The following MYOM1 variants were observed in gnomAD, a reference collection of about 807,000 sequenced individuals.
MYOM1 encodes myomesin-1.
MYOM1 carries 164 observed loss-of-function variants against 205.3 expected under a neutral mutation model. The observed-to-expected ratio is 0.80, with a 90% CI of 0.70 to 0.91. The LOEUF (loss-of-function observed/expected upper bound fraction) is 0.91, where lower values mean the gene tolerates loss of function less well. Among genes scored for constraint, MYOM1 ranks in the 40% least tolerant of loss-of-function variants. The pLI is 0.00. For missense variants in MYOM1, 2,011 were observed against 2,127.3 expected, an observed-to-expected ratio of 0.95 and a Z score of 1.08; for synonymous variants, 772 against 789.4, an observed-to-expected ratio of 0.98 and a Z score of 0.37.
At position 3,092,561 on chromosome 18, in the gene MYOM1, C is replaced by CTT. The variant is rs11457143; in HGVS notation, c.3864+1607_3864+1608dup. Reference sequence around the variant, plus strand: ...TTATTTTATCATATTGTTTAGACAACTTTTTTTTTTCCCAGAATGTAAAGA... The same window carrying CTT: ...TTATTTTATCATATTGTTTAGACAACTTTTTTTTTTTTCCCAGAATGTAAAGA... On this transcript the variant is annotated intron_variant, in intron 26 of 37. Transcript: ENST00000356443. Among the ~76,000 whole-genome samples the CTT allele has an allele frequency of 5.1e-3, 742 of 146,634 alleles. 5 individuals carry two copies. Among genetic ancestry groups the CTT allele is most frequent in the African/African-American group, 0.017 (711 of 40,768 alleles).
At chr18:3,227,176 T>G in the MYOM1 span, among the ~76,000 whole-genome samples, 1 of 150,820 alleles carries the variant, frequency 6.6e-6, no homozygotes, top group African/African-American at 2.5e-5. Context: ...TTTCTCTTTC[T>G]TTTGTTTTTT....
intron 19 of MYOM1, among the ~76,000 whole-genome samples, chr18:3,125,237 T>C (rs897481668): frequency 6.6e-6 from 1 of 152,172 alleles, no homozygotes; most frequent in African/African-American, 2.4e-5. Flanking sequence ...ATTTAGGTGA[T>C]CACCCAGAGA....
chr18:3,222,728 C>A (rs933760999), upstream of MYOM1, among the ~76,000 whole-genome samples: 1 of 140,162 alleles, frequency 7.1e-6, no homozygotes, highest in Non-Finnish European at 1.5e-5. Context: ...TACACACATA[C>A]ACACACAAAC....
At position 3,119,908 on chromosome 18, in the gene MYOM1, C is replaced by T. The variant is rs755678558; in HGVS notation, c.3079G>A (p.Glu1027Lys). 5 of 1,612,656 alleles carry T rather than the reference C, an allele frequency of 3.1e-6. No homozygotes were observed. Among genetic ancestry groups the T allele is most frequent in the Non-Finnish European group, 4.2e-6 (5 of 1,179,422 alleles). The change falls in exon 20 of 38, where the codon GAA becomes AAA. Residue 1027 changes from glutamate (E) to lysine (K), a missense_variant. Physicochemically the swap from Glu to Lys is moderately conservative, Grantham distance 56. Transcript: ENST00000356443. ...AGLGAPSAVS[E>K]CFKCEEWTIA... ...GTCCACTCTTCACATTTGAAGCATT[C>T]GCTTACTGCGGAGGGCGCGCCCAGC...
At chr18:3,087,511 A>G in intron 29 of MYOM1, among the ~76,000 whole-genome samples, 1 of 139,390 alleles carries the variant, frequency 7.2e-6, no homozygotes, top group African/African-American at 2.7e-5. Context: ...TTTTTTTGAG[A>G]CAGAGTCTCA....
chr18:3,111,899 C>T (rs1050370474), intron 22 of MYOM1, among the ~76,000 whole-genome samples: 3 of 152,180 alleles, frequency 2.0e-5, no homozygotes, highest in Admixed American at 1.3e-4. Flanking sequence ...ATCCTACTTT[C>T]GTTTAAGGAT....
the MYOM1 span, among the ~76,000 whole-genome samples, chr18:3,230,231 G>T: frequency 1.3e-5 from 2 of 152,062 alleles, no homozygotes; most frequent in East Asian, 3.8e-4. Context: ...TTATATATTT[G>T]TTACAAAATC....
chr18:3,164,374 A>G lies in MYOM1; in HGVS notation c.1405T>C (p.Phe469Leu). 1 of 1,612,092 alleles carries G rather than the reference A, an allele frequency of 6.2e-7. No homozygotes were observed. The highest frequency in any genetic ancestry group is 8.5e-7 in the Non-Finnish European group (1 of 1,178,998). ...TCATCTTCTTTGTTGAGATGGGAAA[A>G]TGTCAGCGTTGCCCGCTCTCCACTC... ...LWSGERATLT[F>L]SHLNKEDEGL... Residue 469 changes from phenylalanine (F) to leucine (L), a missense_variant, in exon 10 of 38, where the codon TTT becomes CTT. By Grantham distance (22) the Phe-to-Leu change is conservative. Coordinates refer to ENST00000356443, the MANE Select transcript of MYOM1 (RefSeq NM_003803.4).
At chr18:3,085,004 C>T (rs1478829152) in intron 31 of MYOM1, 41 bp downstream of exon 31, 10 of 1,440,964 alleles carry the variant, frequency 6.9e-6, no homozygotes, top group African/African-American at 1.4e-5. Context: ...AAGCTGTATG[C>T]AGAAACACAC....
At position 3,122,644 on chromosome 18, in the gene MYOM1, C is replaced by T. The variant is rs1327238391; in HGVS notation, c.2992-2649G>A. Among the ~76,000 whole-genome samples, 4 of 152,080 alleles carry T rather than the reference C, an allele frequency of 2.6e-5. No homozygotes were observed. In the East Asian group the frequency reaches 5.8e-4, roughly 22 times the overall value. ...TGAACATAGAAGCAAAAATCCTAAA[C>T]GATAATTGGCAAACAAAATCCAGGT... is the stretch of plus-strand genomic sequence containing the variant. On this transcript the variant is annotated intron_variant, in intron 19 of 37. Coordinates refer to ENST00000356443, the MANE Select transcript of MYOM1 (RefSeq NM_003803.4).
At chr18:3,234,954 G>A in the MYOM1 span, among the ~76,000 whole-genome samples, 5 of 150,126 alleles carry the variant, frequency 3.3e-5, no homozygotes, top group Non-Finnish European at 7.4e-5. Context: ...GGGGGTTCAC[G>A]CTGGATTGCC....
At chr18:3,072,884 C>G (rs1323267116) in intron 36 of MYOM1, among the ~76,000 whole-genome samples, 1 of 151,826 alleles carries the variant, frequency 6.6e-6, no homozygotes, top group Admixed American at 6.6e-5. Context: ...GTAGCTTGGC[C>G]TCTTTTATGG....
chr18:3,086,184 A>T, intron 29 of MYOM1, 33 bp from the exon 30 acceptor site: 2 of 1,380,044 alleles, frequency 1.4e-6, no homozygotes, highest in Non-Finnish European at 2.0e-6. Context: ...TTTTCTTAAA[A>T]TAAGAAAGTG....
At chr18:3,071,003 C>T (rs1039217808) in intron 37 of MYOM1, among the ~76,000 whole-genome samples, 4 of 152,182 alleles carry the variant, frequency 2.6e-5, no homozygotes, top group Admixed American at 6.5e-5. Context: ...AAGTGATCTG[C>T]GTGCCTTGGC....
At chr18:3,244,971 A>G in the MYOM1 span, among the ~76,000 whole-genome samples, 1 of 151,394 alleles carries the variant, frequency 6.6e-6, no homozygotes, top group Non-Finnish European at 1.5e-5. Context: ...AAAAAAAAAG[A>G]GGAAGAGAGT....
Position 3,119,906 on chromosome 18 carries a change from T to A in MYOM1, c.3081A>T (p.Glu1027Asp). 1 of 1,612,982 alleles carries A rather than the reference T, an allele frequency of 6.2e-7. No individual in the cohort carries two copies. Among genetic ancestry groups the A allele is most frequent in the Non-Finnish European group, 8.5e-7 (1 of 1,179,508 alleles). The change falls in exon 20 of 38, where the codon GAA becomes GAT. Residue 1027 changes from glutamate (E) to aspartate (D), a missense_variant. By Grantham distance (45) the Glu-to-Asp change is conservative. Transcript: ENST00000356443. ...TGGTCCACTCTTCACATTTGAAGCA[T>A]TCGCTTACTGCGGAGGGCGCGCCCA... ...AGLGAPSAVS[E>D]CFKCEEWTIA...
At chr18:3,196,507 A>G (rs935239608) in intron 2 of MYOM1, among the ~76,000 whole-genome samples, 1 of 152,198 alleles carries the variant, frequency 6.6e-6, no homozygotes, top group Non-Finnish European at 1.5e-5. Flanking sequence ...TTAAAACTAC[A>G]TGTAGTGTTT....
At chr18:3,125,601 A>G (rs1265209461) in intron 19 of MYOM1, among the ~76,000 whole-genome samples, 1 of 150,756 alleles carries the variant, frequency 6.6e-6, no homozygotes, top group Non-Finnish European at 1.5e-5. Context: ...ACGCATTCTC[A>G]GCATGTGTGT....
At position 3,134,405 on chromosome 18, in the gene MYOM1, GT is replaced by G. The variant is rs34366449; in HGVS notation, c.2384+244del. ...CTTATTTAAAGTATAATGTTTTCTT[GT>G]TTTTTTTTTCAGTTTGTAAAGATAG... is the stretch of plus-strand genomic sequence containing the variant. On this transcript the variant is annotated intron_variant, in intron 16 of 37. Transcript: ENST00000356443. Among the ~76,000 whole-genome samples, 31,286 of 147,610 alleles carry G rather than the reference GT, an allele frequency of 0.21. 3,589 individuals are homozygous for G. Among genetic ancestry groups the G allele is most frequent in the East Asian group, 0.32 (1,638 of 5,060 alleles).
Sources: gnomAD v4.1 joint callset for allele counts (sites outside exome capture counted in the v4.1 genomes callset) on GRCh38, gnomAD v4.1.1 for gene constraint, MANE v1.5 for transcripts, NCBI Gene and HGNC (gene_info 2026-07-23, HGNC 2026-07-21) for gene names.